The following PTPRD variants were observed in gnomAD, a reference collection of about 807,000 sequenced individuals.
The protein encoded by PTPRD is receptor-type tyrosine-protein phosphatase delta.
A neutral mutation model predicts 214.5 loss-of-function variants in PTPRD; 34 were observed. That is an observed-to-expected ratio of 0.16 (90% CI 0.12 to 0.21). The LOEUF (loss-of-function observed/expected upper bound fraction) is 0.21, where lower values mean the gene tolerates loss of function less well. Ranked by LOEUF, PTPRD falls within the 10% of genes least tolerant of loss-of-function variation. The pLI is 1.00. For synonymous variants in PTPRD, 1,128 were observed against 845.7 expected (o/e 1.33, Z -5.79); for missense variants, 2,545 against 2,398.7 (o/e 1.06, Z -1.27).
chr9:10,227,281 T>C (rs1189156868), intron 3 of PTPRD, among the ~76,000 whole-genome samples: 4 of 151,970 alleles, frequency 2.6e-5, no homozygotes, highest in Admixed American at 2.0e-4. Context: ...TGGGAAGTCA[T>C]GAATTATAAC....
At chr9:9,598,474 C>T (rs1191183602) in intron 7 of PTPRD, among the ~76,000 whole-genome samples, 1 of 151,828 alleles carries the variant, frequency 6.6e-6, no homozygotes, top group African/African-American at 2.4e-5. Flanking sequence ...AAAACAGTTA[C>T]TTTTAATAAA....
At chr9:8,854,988 C>G (rs2097888274) in intron 11 of PTPRD, among the ~76,000 whole-genome samples, 1 of 152,104 alleles carries the variant, frequency 6.6e-6, no homozygotes, top group African/African-American at 2.4e-5. Flanking sequence ...TTTTCACACT[C>G]TATATGGAAA....
intron 10 of PTPRD, among the ~76,000 whole-genome samples, chr9:9,025,208 G>A (rs2099582881): frequency 6.6e-6 from 1 of 151,908 alleles, no homozygotes; most frequent in Non-Finnish European, 1.5e-5. Context: ...AGAGCAAGAT[G>A]GTGGGACTAA....
At chr9:8,646,119 C>G (rs1393510515) in intron 12 of PTPRD, among the ~76,000 whole-genome samples, 6 of 150,166 alleles carry the variant, frequency 4.0e-5, no homozygotes, top group Non-Finnish European at 8.9e-5. Context: ...TCAATTAAAA[C>G]AGAAAACAGT....
chr9:8,715,969 C>A (rs6477327), intron 12 of PTPRD, among the ~76,000 whole-genome samples: 68,522 of 152,186 alleles, frequency 0.45, 15,688 homozygotes, highest in Non-Finnish European at 0.48. Context: ...GGAGCACTGG[C>A]CCTTGAAATG....
intron 2 of PTPRD, among the ~76,000 whole-genome samples, chr9:10,434,867 C>T (rs963503140): frequency 6.6e-6 from 1 of 151,738 alleles, no homozygotes; most frequent in African/African-American, 2.4e-5. Context: ...GTTATGGCTC[C>T]CAGTTAACAT....
At chr9:9,077,987 G>A (rs925832796) in intron 10 of PTPRD, among the ~76,000 whole-genome samples, 1 of 152,000 alleles carries the variant, frequency 6.6e-6, no homozygotes, top group African/African-American at 2.4e-5. Flanking sequence ...AAAGGAAAAA[G>A]TTTACGCTTT....
chr9:8,611,513 T>C (rs981894385), intron 14 of PTPRD, among the ~76,000 whole-genome samples: 26 of 152,088 alleles, frequency 1.7e-4, no homozygotes, highest in African/African-American at 6.3e-4. Flanking sequence ...GAGACCAGCC[T>C]GGGCAACATG....
intron 9 of PTPRD, among the ~76,000 whole-genome samples, chr9:9,196,784 C>G (rs939850525): frequency 2.0e-5 from 3 of 151,972 alleles, no homozygotes; most frequent in Non-Finnish European, 4.4e-5. Context: ...TATGTGTCTC[C>G]CCCTAAAAAA....
intron 2 of PTPRD, among the ~76,000 whole-genome samples, chr9:10,407,905 T>C (rs2098390313): frequency 6.6e-6 from 1 of 151,564 alleles, no homozygotes; most frequent in Non-Finnish European, 1.5e-5. Flanking sequence ...AATTATCAAC[T>C]CATAGTAAGA....
At chr9:8,562,977 A>G (rs1381638656) in intron 14 of PTPRD, among the ~76,000 whole-genome samples, 1 of 151,806 alleles carries the variant, frequency 6.6e-6, no homozygotes, top group African/African-American at 2.4e-5. Flanking sequence ...CACTTTTTCC[A>G]GCACCAATTG....
chr9:8,518,280 C>T lies in PTPRD; in HGVS notation c.1111G>A (p.Asp371Asn), dbSNP rs1254780338. Residue 371 changes from aspartate (D) to asparagine (N), a missense_variant, in exon 21 of 46, where the codon GAT becomes AAT. By Grantham distance (23) the Asp-to-Asn change is conservative (BLOSUM62 1). Transcript: ENST00000381196. ...CTGTAGCGTGTGGTCGCCACCCCAT[C>T]AATTTCTTTGTAAAGTTCCTCAGAG... is the stretch of plus-strand genomic sequence containing the variant. The part of the protein sequence containing the change: ...KNSEELYKEI[D>N]GVATTRYSVA... The T allele has an allele frequency of 6.2e-7, 1 of 1,614,000 alleles. No individual in the cohort carries two copies. The highest frequency in any genetic ancestry group is 2.2e-5 in the East Asian group (1 of 44,882).
intron 15 of PTPRD, chr9:8,528,361 A>C (rs1266497168): frequency 1.7e-6 from 1 of 597,766 alleles, no homozygotes; most frequent in Non-Finnish European, 2.9e-6. Flanking sequence ...GCAGTGAGCA[A>C]TGTGGATTAA....
chr9:9,933,440 A>G (rs1236360154), intron 5 of PTPRD, among the ~76,000 whole-genome samples: 2 of 151,868 alleles, frequency 1.3e-5, no homozygotes, highest in Non-Finnish European at 2.9e-5. Context: ...AGTTTCTGAT[A>G]AAACAGACTT....
intron 14 of PTPRD, among the ~76,000 whole-genome samples, chr9:8,608,843 T>C (rs1407910843): frequency 6.6e-6 from 1 of 152,212 alleles, no homozygotes; most frequent in Admixed American, 6.5e-5. Flanking sequence ...TCGGGCCATA[T>C]GTACTTTATC....
At chr9:9,280,611 T>C (rs956454076) in intron 9 of PTPRD, among the ~76,000 whole-genome samples, 2 of 151,298 alleles carry the variant, frequency 1.3e-5, no homozygotes, top group African/African-American at 4.8e-5. Context: ...TATAAAACTT[T>C]GATAAAAAAT....
chr9:9,579,180 T>G (rs1171759949), intron 7 of PTPRD, among the ~76,000 whole-genome samples: 2 of 152,146 alleles, frequency 1.3e-5, no homozygotes, highest in African/African-American at 4.8e-5. Flanking sequence ...AATTATATAT[T>G]TATTATGAGT....
chr9:8,954,668 C>A (rs1428758100), intron 11 of PTPRD, among the ~76,000 whole-genome samples: 2 of 151,760 alleles, frequency 1.3e-5, no homozygotes, highest in Non-Finnish European at 2.9e-5. Flanking sequence ...TCAAAACCAA[C>A]ATATTAGTTT....
At chr9:8,853,272 A>T (rs2097853142) in intron 11 of PTPRD, among the ~76,000 whole-genome samples, 1 of 152,194 alleles carries the variant, frequency 6.6e-6, no homozygotes, top group Non-Finnish European at 1.5e-5. Flanking sequence ...CCTTCCTAAG[A>T]CTTATGACGC....
Sources: gnomAD v4.1 joint callset for allele counts (sites outside exome capture counted in the v4.1 genomes callset) on GRCh38, gnomAD v4.1.1 for gene constraint, MANE v1.5 for transcripts, NCBI Gene and HGNC (gene_info 2026-07-23, HGNC 2026-07-21) for gene names.